The following TNFRSF6B variants were observed in gnomAD, a reference collection of about 807,000 sequenced individuals.
TNFRSF6B encodes the protein TNF receptor superfamily member 6b.
TNFRSF6B carries 23 observed loss-of-function variants against 17.9 expected under a neutral mutation model. The ratio of observed to expected loss-of-function variants is 1.28; its 90% CI spans 0.92 to 1.82. The LOEUF (loss-of-function observed/expected upper bound fraction) is 1.82, where lower values mean the gene tolerates loss of function less well. Among genes scored for constraint, TNFRSF6B ranks in the 40% most tolerant of loss-of-function variants. The pLI is 0.00. For missense variants in TNFRSF6B, 555 were observed against 437.2 expected (o/e 1.27, Z -2.40); for synonymous variants, 291 against 195.8 (o/e 1.49, Z -4.06).
At chr20:63,697,595 G>T in intron 2 of TNFRSF6B, 73 bp downstream of exon 2, 1 of 1,427,324 alleles carries the variant, frequency 7.0e-7, no homozygotes, top group Non-Finnish European at 9.3e-7. Flanking sequence ...GCCCCTGCAC[G>T]TGCATCTAGC....
rs992322724 is a variant in TNFRSF6B at position 63,698,629 on chromosome 20, T to TA, written c.*69dup. ...ACTTGCACTGAAAGAGGCTTTTTTT[T>TA]AAATAGAAGAAATGAGGTTTCTTAA... is the stretch of plus-strand genomic sequence containing the variant. On this transcript the variant is annotated 3_prime_UTR_variant, in exon 3 of 3. Coordinates refer to ENST00000369996, the MANE Select transcript of TNFRSF6B (RefSeq NM_003823.4). The TA allele has an allele frequency of 2.2e-6, 3 of 1,393,220 alleles. No individual in the cohort carries two copies. The African/African-American group carries it at 4.6e-5, about 21-fold the overall frequency. The allele number at this position is 1,393,220 out of a possible 1,614,324, so 86.3% of individuals were successfully genotyped here.
In TNFRSF6B at chr20:63,697,389, C is replaced by T. The variant is rs909341; in HGVS notation, c.486C>T (p.Ser162=). ...PCPPGTFSAS[S]SSSEQCQPHR... ...CCCCAGGCACCTTCTCAGCCAGCAGCTCCAGCTCAGAGCAGTGCCAGCCCC... is the reference window on the plus strand; with the variant it reads ...CCCCAGGCACCTTCTCAGCCAGCAGTTCCAGCTCAGAGCAGTGCCAGCCCC... The change falls in exon 2 of 3, where the codon AGC becomes AGT. Residue 162 remains serine, a synonymous_variant. Coordinates refer to ENST00000369996, the MANE Select transcript of TNFRSF6B (RefSeq NM_003823.4). 0.24 allele frequency: 389,199 copies of T among 1,611,124 alleles called. 52,701 individuals are homozygous for T. The highest frequency in any genetic ancestry group is 0.62 in the East Asian group (27,849 of 44,716).
In TNFRSF6B at chr20:63,696,985, G is replaced by A. The variant is rs755686943; in HGVS notation, c.218G>A (p.Cys73Tyr). Residue 73 changes from cysteine (C) to tyrosine (Y), a missense_variant, in exon 1 of 3, where the codon TGT becomes TAT. Coordinates refer to ENST00000369996, the MANE Select transcript of TNFRSF6B (RefSeq NM_003823.4). ...RRDSPTTCGPCPPRHYTQFWN... is the reference protein window; with the variant it reads ...RRDSPTTCGPYPPRHYTQFWN... ...GACAGCCCCACGACGTGTGGCCCGT[G>A]TCCACCGCGCCACTACACGCAGTTC... 6.8e-6 allele frequency: 11 copies of A among 1,609,074 alleles called. No homozygotes were observed. The highest frequency in any genetic ancestry group is 5.1e-6 in the Non-Finnish European group (6 of 1,179,408).
At chr20:63,697,945 C>T (rs2091019496) in intron 2 of TNFRSF6B, among the ~76,000 whole-genome samples, 1 of 152,162 alleles carries the variant, frequency 6.6e-6, no homozygotes, top group Non-Finnish European at 1.5e-5. Flanking sequence ...ACCCCCTTAA[C>T]ATCAAGTCAG....
Position 63,696,705 on chromosome 20 carries a change from G to A in TNFRSF6B, c.-63G>A, listed in dbSNP as rs763825579. 4 of 1,442,240 alleles carry A rather than the reference G, an allele frequency of 2.8e-6. No homozygotes were observed. The highest frequency in any genetic ancestry group is 2.7e-5 in the Admixed American group (1 of 36,662). The allele number at this position is 1,442,240 out of a possible 1,614,324, so 89.3% of individuals were successfully genotyped here. On this transcript the variant is annotated 5_prime_UTR_variant, in exon 1 of 3. Coordinates refer to ENST00000369996, the MANE Select transcript of TNFRSF6B (RefSeq NM_003823.4). ...CCGGGGGCAAAGGAGGTGGCATGTC[G>A]GTCAGGCACAGCAGGGTCCTGTGTC...
chr20:63,696,805 G>C lies in TNFRSF6B; in HGVS notation c.38G>C (p.Cys13Ser). Residue 13 changes from cysteine (C) to serine (S), a missense_variant, in exon 1 of 3, where the codon TGC (cysteine) becomes TCC (serine). Cys to Ser is a moderately radical substitution (Grantham distance 112). Transcript: ENST00000369996. Reference sequence around the variant, plus strand: ...GAGGGGCCAGGCCTGTCGCTGCTGTGCCTGGTGTTGGCGCTGCCTGCCCTG... The same window carrying C: ...GAGGGGCCAGGCCTGTCGCTGCTGTCCCTGGTGTTGGCGCTGCCTGCCCTG... ...ALEGPGLSLL[C>S]LVLALPALLP... 6.2e-7 allele frequency: 1 copy of C among 1,607,676 alleles called. No homozygotes were observed. The highest frequency in any genetic ancestry group is 1.6e-4 in the Middle Eastern group (1 of 6,062).
At chr20:63,697,224 AGTG>A in intron 1 of TNFRSF6B, 33 bp downstream of exon 1, 1 of 1,551,866 alleles carries the variant, frequency 6.4e-7, no homozygotes, top group Non-Finnish European at 8.7e-7. Context: ...GGCCCCCAGG[AGTG>A]GTGGCCGGAG....
chr20:63,698,516 C>G lies in TNFRSF6B; in HGVS notation c.856C>G (p.Pro286Ala). Residue 286 changes from proline to alanine, a missense_variant, in exon 3 of 3, where the codon CCC becomes GCC. Transcript: ENST00000369996. ...LLQALRVARMPGLERSVRERF... is the reference protein window; with the variant it reads ...LLQALRVARMAGLERSVRERF... ...GCAGGCGCTGCGCGTGGCCAGGATG[C>G]CCGGGCTGGAGCGGAGCGTCCGTGA... is the stretch of plus-strand genomic sequence containing the variant. The G allele has an allele frequency of 1.3e-6, 2 of 1,548,524 alleles. No individual in the cohort carries two copies. The highest frequency in any genetic ancestry group is 1.4e-5 in the African/African-American group (1 of 69,722).
rs1315037772 is a variant in TNFRSF6B at position 63,697,006 on chromosome 20, A to G, written c.239A>G (p.Gln80Arg). 3.7e-6 allele frequency: 6 copies of G among 1,608,854 alleles called. No individual in the cohort carries two copies. Among genetic ancestry groups the G allele is most frequent in the Non-Finnish European group, 4.2e-6 (5 of 1,179,536 alleles). The change falls in exon 1 of 3, where the codon CAG becomes CGG. Residue 80 changes from glutamine to arginine, a missense_variant. Transcript: ENST00000369996. ...CCGTGTCCACCGCGCCACTACACGCAGTTCTGGAACTACCTAGAGCGCTGC... is the reference window on the plus strand; with the variant it reads ...CCGTGTCCACCGCGCCACTACACGCGGTTCTGGAACTACCTAGAGCGCTGC... ...CGPCPPRHYT[Q>R]FWNYLERCRY...
rs941648491 is a variant in TNFRSF6B, at chr20:63,696,851, C to T, written c.84C>T (p.Arg28=). Residue 28 remains arginine (R), a synonymous_variant, in exon 1 of 3, where the codon CGC becomes CGT. Transcript: ENST00000369996. ...CCCTGCTGCCGGTGCCGGCTGTACG[C>T]GGAGTGGCAGAAACACCCACCTACC... ...LPALLPVPAV[R]GVAETPTYPW... The T allele has an allele frequency of 4.3e-6, 7 of 1,611,378 alleles. No homozygotes were observed. The highest frequency in any genetic ancestry group is 1.3e-5 in the African/African-American group (1 of 74,906).
chr20:63,698,574 C>T lies in TNFRSF6B; in HGVS notation c.*11C>T, dbSNP rs754562391. 5 of 1,478,650 alleles carry T rather than the reference C, an allele frequency of 3.4e-6. No homozygotes were observed. The highest frequency in any genetic ancestry group is 2.7e-5 in the Admixed American group (1 of 37,310). The allele number at this position is 1,478,650 out of a possible 1,614,324, so 91.6% of individuals were successfully genotyped here. A position where few individuals can be genotyped will look rare whatever the true frequency, so the allele number is the denominator to read the frequency against. ...CTCCCTGTGCACTGATCCTGGCCCC[C>T]TCTTATTTATTCTACATCCTTGGCA... On this transcript the variant is annotated 3_prime_UTR_variant, in exon 3 of 3. Coordinates refer to ENST00000369996, the MANE Select transcript of TNFRSF6B (RefSeq NM_003823.4).
Position 63,696,748 on chromosome 20 carries a change from T to C in TNFRSF6B, c.-20T>C. 6.5e-7 allele frequency: 1 copy of C among 1,546,072 alleles called. No homozygotes were observed. Among genetic ancestry groups the C allele is most frequent in the South Asian group, 1.2e-5 (1 of 82,462 alleles). On this transcript the variant is annotated 5_prime_UTR_variant, in exon 1 of 3. Transcript: ENST00000369996. ...CCTGTGTCCGCGCTGAGCCGCGCTC[T>C]CCCTGCTCCAGCAAGGACCATGAGG...
In TNFRSF6B at chr20:63,696,676, C is replaced by G; in HGVS notation, c.-92C>G. ...TGGACTTGGGCGGCCCCTCCGCAGGCGGACCGGGGGCAAAGGAGGTGGCAT... is the reference window on the plus strand; with the variant it reads ...TGGACTTGGGCGGCCCCTCCGCAGGGGGACCGGGGGCAAAGGAGGTGGCAT... On this transcript the variant is annotated 5_prime_UTR_variant, in exon 1 of 3. Transcript: ENST00000369996. 1.4e-6 allele frequency: 2 copies of G among 1,384,110 alleles called. No homozygotes were observed. Among genetic ancestry groups the G allele is most frequent in the Non-Finnish European group, 1.9e-6 (2 of 1,051,834 alleles). 85.7% of individuals were successfully genotyped at this position (1,384,110 alleles called of 1,614,324 possible). A position where few individuals can be genotyped will look rare whatever the true frequency, so the allele number is the denominator to read the frequency against.
In TNFRSF6B at chr20:63,696,958, G is replaced by C. The variant is rs61760056; in HGVS notation, c.191G>C (p.Arg64Pro). 1.2e-6 allele frequency: 2 copies of C among 1,605,940 alleles called. No individual in the cohort carries two copies. The highest frequency in any genetic ancestry group is 3.4e-5 in the Admixed American group (2 of 59,454). The change falls in exon 1 of 3, where the codon CGA becomes CCA. Residue 64 changes from arginine (R) to proline (P), a missense_variant. Transcript: ENST00000369996. ...PGTFVQRPCR[R>P]DSPTTCGPCP... is the part of the protein sequence containing the mutation. ...ACCTTTGTGCAGCGGCCGTGCCGCC[G>C]AGACAGCCCCACGACGTGTGGCCCG...
At position 63,698,248 on chromosome 20, in the gene TNFRSF6B, G is replaced by T. The variant is rs1466230435; in HGVS notation, c.620-32G>T. 4 of 1,605,558 alleles carry T rather than the reference G, an allele frequency of 2.5e-6. No individual in the cohort carries two copies. In the South Asian group the frequency reaches 4.4e-5, roughly 18 times the overall value. Reference sequence around the variant, plus strand: ...CCCCGCCAGTGTGTGTGGGTGAAATGATCGGACCGCTGCCTCCCCACCCCA... The same window carrying T: ...CCCCGCCAGTGTGTGTGGGTGAAATTATCGGACCGCTGCCTCCCCACCCCA... On this transcript the variant is annotated intron_variant, in intron 2 of 2. Transcript: ENST00000369996.
chr20:63,698,319 C>T lies in TNFRSF6B; in HGVS notation c.659C>T (p.Ala220Val), dbSNP rs137950052. 412 of 1,611,400 alleles carry T rather than the reference C, an allele frequency of 2.6e-4. No individual in the cohort carries two copies. The highest frequency in any genetic ancestry group is 7.4e-4 in the East Asian group (33 of 44,688). The change falls in exon 3 of 3, where the codon GCT becomes GTT. Residue 220 changes from alanine to valine, a missense_variant. Coordinates refer to ENST00000369996, the MANE Select transcript of TNFRSF6B (RefSeq NM_003823.4). ...GAGCGTGCCGTCATCGACTTTGTGG[C>T]TTTCCAGGACATCTCCATCAAGAGG... ...ECERAVIDFV[A>V]FQDISIKRLQ...
chr20:63,697,739 C>T (rs954893733), intron 2 of TNFRSF6B, among the ~76,000 whole-genome samples: 2 of 152,164 alleles, frequency 1.3e-5, no homozygotes, highest in African/African-American at 4.8e-5. Context: ...GGCACAGCCT[C>T]CCCTGGGGAG....
At position 63,697,450 on chromosome 20, in the gene TNFRSF6B, G is replaced by C; in HGVS notation, c.547G>C (p.Val183Leu). Residue 183 changes from valine to leucine, a missense_variant, in exon 2 of 3, where the codon GTG becomes CTG. Coordinates refer to ENST00000369996, the MANE Select transcript of TNFRSF6B (RefSeq NM_003823.4). ...NCTALGLALN[V>L]PGSSSHDTLC... Reference sequence around the variant, plus strand: ...CACGGCCCTGGGCCTGGCCCTCAATGTGCCAGGCTCTTCCTCCCATGACAC... The same window carrying C: ...CACGGCCCTGGGCCTGGCCCTCAATCTGCCAGGCTCTTCCTCCCATGACAC... 6.3e-7 allele frequency: 1 copy of C among 1,598,906 alleles called. No individual in the cohort carries two copies. Among genetic ancestry groups the C allele is most frequent in the Non-Finnish European group, 8.5e-7 (1 of 1,173,728 alleles).
In TNFRSF6B at chr20:63,698,463, A is replaced by G. The variant is rs950972975; in HGVS notation, c.803A>G (p.Gln268Arg). The G allele has an allele frequency of 6.4e-7, 1 of 1,555,114 alleles. No individual in the cohort carries two copies. Among genetic ancestry groups the G allele is most frequent in the East Asian group, 2.4e-5 (1 of 42,192 alleles). ...RRRLTELLGA[Q>R]DGALLVRLLQ... The stretch of plus-strand genomic sequence containing the variant: ...CGGCTCACGGAGCTCCTGGGGGCGC[A>G]GGACGGGGCGCTGCTGGTGCGGCTG... The change falls in exon 3 of 3, where the codon CAG becomes CGG. Residue 268 changes from glutamine (Q) to arginine (R), a missense_variant. Coordinates refer to ENST00000369996, the MANE Select transcript of TNFRSF6B (RefSeq NM_003823.4).
Sources: allele counts gnomAD v4.1 joint callset (sites outside exome capture counted in the v4.1 genomes callset), GRCh38; gene constraint gnomAD v4.1.1; transcripts MANE v1.5; gene names NCBI Gene and HGNC (gene_info 2026-07-23, HGNC 2026-07-21).